The following KCNMB2 variants were observed in gnomAD, a reference collection of about 807,000 sequenced individuals.
KCNMB2 encodes the protein calcium-activated potassium channel subunit beta-2.
A neutral mutation model predicts 24.5 loss-of-function variants in KCNMB2; 9 were observed. The observed-to-expected ratio is 0.37, with a 90% confidence interval of 0.22 to 0.64. The LOEUF (loss-of-function observed/expected upper bound fraction) is 0.64. Among genes scored for constraint, KCNMB2 ranks in the 30% least tolerant of loss-of-function variants. The pLI is 0.63. For synonymous variants in KCNMB2, 109 were observed against 104.4 expected, an observed-to-expected ratio of 1.04 and a Z score of -0.27; for missense variants, 226 against 284.3, an observed-to-expected ratio of 0.79 and a Z score of 1.47.
intron 1 of KCNMB2, among the ~76,000 whole-genome samples, chr3:178,572,315 C>T (rs1384751026): frequency 3.3e-5 from 5 of 152,140 alleles, no homozygotes; most frequent in African/African-American, 1.2e-4. Flanking sequence ...GCATGACTAC[C>T]TATTTAACAG....
chr3:178,628,623 T>C (rs1183265178), intron 1 of KCNMB2, among the ~76,000 whole-genome samples: 1 of 152,112 alleles, frequency 6.6e-6, no homozygotes, highest in Non-Finnish European at 1.5e-5. Flanking sequence ...AACTGAAGAA[T>C]CATTATGGGA....
intron 1 of KCNMB2, among the ~76,000 whole-genome samples, chr3:178,656,992 T>C (rs35671479): frequency 0.17 from 25,891 of 152,046 alleles, 3,261 homozygotes; most frequent in African/African-American, 0.36. Context: ...AGGGTTTTTA[T>C]TGATTGAGCA....
intron 1 of KCNMB2, among the ~76,000 whole-genome samples, chr3:178,767,537 T>C (rs1320311154): frequency 1.3e-5 from 2 of 152,210 alleles, no homozygotes; most frequent in East Asian, 1.9e-4. Flanking sequence ...ATCTGTTCCA[T>C]CTTGTGGTTA....
At position 178,757,999 on chromosome 3, in the gene KCNMB2, CT is replaced by C. The variant is rs1560006322; in HGVS notation, c.-67-49343del. 1.6e-4 allele frequency among the ~76,000 whole-genome samples: 8 copies of C among 49,050 alleles called. 2 individuals are homozygous for C. The highest frequency in any genetic ancestry group is 7.1e-4 in the African/African-American group (7 of 9,846). 32.2% of individuals were successfully genotyped at this position (49,050 alleles called of 152,430 possible). A position where few individuals can be genotyped will look rare whatever the true frequency, so the allele number is the denominator to read the frequency against. Reference sequence around the variant, plus strand: ...GACACAAGAGGATATATATATATATCTAGATATATATATATATATATCTAGA... The same window carrying C: ...GACACAAGAGGATATATATATATATCAGATATATATATATATATATCTAGA... On this transcript the variant is annotated intron_variant, in intron 1 of 4. Transcript: ENST00000452583.
chr3:178,726,237 A>G (rs1391949257), intron 1 of KCNMB2, among the ~76,000 whole-genome samples: 2 of 151,950 alleles, frequency 1.3e-5, no homozygotes, highest in Non-Finnish European at 2.9e-5. Context: ...TTATCTTACA[A>G]TTATTTTATA....
At chr3:178,723,273 G>T (rs1722866275) in intron 1 of KCNMB2, among the ~76,000 whole-genome samples, 1 of 152,028 alleles carries the variant, frequency 6.6e-6, no homozygotes, top group South Asian at 2.1e-4. Flanking sequence ...CTGGAATTTT[G>T]ATTGAAATTG....
At chr3:178,733,248 A>C (rs1357976510) in intron 1 of KCNMB2, among the ~76,000 whole-genome samples, 1 of 152,148 alleles carries the variant, frequency 6.6e-6, no homozygotes, top group African/African-American at 2.4e-5. Flanking sequence ...TGTTGATGCA[A>C]AGGTCCTGAG....
At chr3:178,689,743 T>C (rs1292443824) in intron 1 of KCNMB2, among the ~76,000 whole-genome samples, 1 of 152,112 alleles carries the variant, frequency 6.6e-6, no homozygotes, top group Admixed American at 6.6e-5. Flanking sequence ...AAAGAAAACA[T>C]AGACCTTGCA....
At chr3:178,841,031 A>G (rs1715408755) in intron 4 of KCNMB2, among the ~76,000 whole-genome samples, 1 of 152,230 alleles carries the variant, frequency 6.6e-6, no homozygotes, top group Admixed American at 6.5e-5. Context: ...TTGTGAATGC[A>G]TGTAACTGCA....
At chr3:178,697,964 A>G (rs1721943491) in intron 1 of KCNMB2, among the ~76,000 whole-genome samples, 1 of 152,100 alleles carries the variant, frequency 6.6e-6, no homozygotes, top group African/African-American at 2.4e-5. Context: ...TTCAGCTAAG[A>G]GGTCTGCTGT....
chr3:178,711,244 T>G (rs1193818624), intron 1 of KCNMB2, among the ~76,000 whole-genome samples: 1 of 152,216 alleles, frequency 6.6e-6, no homozygotes, highest in African/African-American at 2.4e-5. Flanking sequence ...ATACTGCATT[T>G]ATTTTAATTG....
intron 1 of KCNMB2, among the ~76,000 whole-genome samples, chr3:178,723,072 T>C (rs1722861239): frequency 6.6e-6 from 1 of 152,206 alleles, no homozygotes; most frequent in Non-Finnish European, 1.5e-5. Context: ...TTCAATTTCA[T>C]TCATCTATGT....
chr3:178,773,520 C>G (rs1305442730), intron 1 of KCNMB2, among the ~76,000 whole-genome samples: 1 of 152,032 alleles, frequency 6.6e-6, no homozygotes, highest in Non-Finnish European at 1.5e-5. Context: ...CACCGTAACA[C>G]AAAGAACATA....
chr3:178,618,026 C>T (rs1024604757), intron 1 of KCNMB2, among the ~76,000 whole-genome samples: 3 of 151,088 alleles, frequency 2.0e-5, no homozygotes, highest in Non-Finnish European at 2.9e-5. Context: ...TTTTAATAAA[C>T]TTAGAATCAT....
intron 1 of KCNMB2, among the ~76,000 whole-genome samples, chr3:178,627,070 G>A (rs140021071): frequency 8.1e-4 from 123 of 152,022 alleles, no homozygotes; most frequent in African/African-American, 2.5e-3. Context: ...TGCAATTAAT[G>A]TCATCTTATT....
intron 2 of KCNMB2, chr3:178,820,634 G>A (rs1029127862): frequency 6.6e-6 from 1 of 152,566 alleles, no homozygotes; most frequent in Non-Finnish European, 1.5e-5. Context: ...ATTTGTTTAT[G>A]AATTATGGGC....
chr3:178,644,384 AT>A (rs1186305244), intron 1 of KCNMB2, among the ~76,000 whole-genome samples: 2 of 152,186 alleles, frequency 1.3e-5, no homozygotes, highest in African/African-American at 4.8e-5. Context: ...AGGGCTGCTG[AT>A]TTTCAAAGTC....
chr3:178,715,808 G>A (rs903065192), intron 1 of KCNMB2, among the ~76,000 whole-genome samples: 1 of 152,150 alleles, frequency 6.6e-6, no homozygotes, highest in African/African-American at 2.4e-5. Context: ...TTGGCTTAGT[G>A]AGCTTCCCTT....
chr3:178,766,218 G>GATATTTT (rs1712112947), intron 1 of KCNMB2, among the ~76,000 whole-genome samples: 1 of 152,032 alleles, frequency 6.6e-6, no homozygotes, highest in African/African-American at 2.4e-5. Flanking sequence ...TTTTGAGATA[G>GATATTTT]GGCCTTTCTC....
Sources: allele counts gnomAD v4.1 joint callset (sites outside exome capture counted in the v4.1 genomes callset), GRCh38; gene constraint gnomAD v4.1.1; transcripts MANE v1.5; gene names NCBI Gene and HGNC (gene_info 2026-07-23, HGNC 2026-07-21).